Variants in HS6ST2 observed in about 807,000 individuals in gnomAD.
HS6ST2 encodes the protein heparan-sulfate 6-O-sulfotransferase 2.
In HS6ST2, 17 loss-of-function variants were observed where a neutral mutation model predicts 33.0. That is an observed-to-expected ratio of 0.52 (90% CI 0.35 to 0.77). The LOEUF (loss-of-function observed/expected upper bound fraction) is 0.77, where lower values mean the gene tolerates loss of function less well. Among genes scored for constraint, HS6ST2 ranks in the 30% least tolerant of loss-of-function variants. The pLI is 0.01. For missense variants in HS6ST2, 519 were observed against 551.7 expected, an observed-to-expected ratio of 0.94 and a Z score of 0.59; for synonymous variants, 248 against 237.1, an observed-to-expected ratio of 1.05 and a Z score of -0.42.
intron 2 of HS6ST2, among the ~76,000 whole-genome samples, chrX:132,901,866 G>A (rs2066428975): frequency 9.0e-6 from 1 of 111,232 alleles, no homozygotes; most frequent in African/African-American, 3.3e-5. Context: ...GAAAAGTCGG[G>A]GGAGGGAAGG....
chrX:132,953,944 T>C (rs951199165), intron 2 of HS6ST2, among the ~76,000 whole-genome samples: 1 of 112,104 alleles, frequency 8.9e-6, no homozygotes, highest in African/African-American at 3.2e-5. Flanking sequence ...CAAGGTGCAG[T>C]CAACAGAGCA....
chrX:132,740,167 T>C (rs1218350716), intron 2 of HS6ST2, among the ~76,000 whole-genome samples: 1 of 112,509 alleles, frequency 8.9e-6, no homozygotes, highest in Admixed American at 9.4e-5. Flanking sequence ...CCTGGGAATT[T>C]TGATTTTAAC....
intron 3 of HS6ST2, among the ~76,000 whole-genome samples, chrX:132,699,934 G>T (rs2064131016): frequency 8.9e-6 from 1 of 111,957 alleles, no homozygotes; most frequent in African/African-American, 3.2e-5. Context: ...AGCCTCATGT[G>T]GATTTATATG....
At chrX:132,681,066 G>T (rs918770516) in intron 3 of HS6ST2, among the ~76,000 whole-genome samples, 2 of 108,766 alleles carry the variant, frequency 1.8e-5, no homozygotes, top group African/African-American at 6.7e-5. Context: ...CTTTTTCCCT[G>T]GTGCACTTAT....
At chrX:132,642,856 G>A (rs972329740) in intron 4 of HS6ST2, among the ~76,000 whole-genome samples, 2 of 112,311 alleles carry the variant, frequency 1.8e-5, no homozygotes, top group Non-Finnish European at 3.8e-5. Flanking sequence ...TATAAGTTTC[G>A]TGCATCAGAG....
At chrX:132,661,188 A>G (rs1657453042) in intron 4 of HS6ST2, among the ~76,000 whole-genome samples, 2 of 111,233 alleles carry the variant, frequency 1.8e-5, no homozygotes, top group Admixed American at 1.9e-4. Flanking sequence ...ACTGTACTAA[A>G]GGCTTTAACC....
chrX:132,823,701 C>CAAAA, intron 2 of HS6ST2, among the ~76,000 whole-genome samples: 1 of 61,313 alleles, frequency 1.6e-5, no homozygotes, highest in Non-Finnish European at 3.1e-5. Flanking sequence ...ACTAAAAATA[C>CAAAA]AAAAAAAAAA....
chrX:132,645,112 T>C, intron 4 of HS6ST2, among the ~76,000 whole-genome samples: 1 of 111,947 alleles, frequency 8.9e-6, no homozygotes, highest in East Asian at 2.8e-4. Context: ...TCTCTGGGCT[T>C]AGTCTGTTCA....
chrX:132,819,184 G>C (rs2065426966), intron 2 of HS6ST2, among the ~76,000 whole-genome samples: 1 of 111,064 alleles, frequency 9.0e-6, no homozygotes, highest in African/African-American at 3.3e-5. Context: ...AGAGGATGTT[G>C]CAAAGCAGTG....
chrX:132,833,776 TA>T (rs1280224316), intron 2 of HS6ST2, among the ~76,000 whole-genome samples: 1 of 108,642 alleles, frequency 9.2e-6, no homozygotes, highest in Non-Finnish European at 1.9e-5. Flanking sequence ...TTTTTTTTTT[TA>T]AATTATTATA....
chrX:132,867,515 C>T (rs191693581), intron 2 of HS6ST2, among the ~76,000 whole-genome samples: 1 of 111,686 alleles, frequency 9.0e-6, no homozygotes, highest in African/African-American at 3.2e-5. Context: ...AGGGAGGATT[C>T]CCTCTTTTTC....
chrX:132,722,861 A>C (rs1273790561), intron 2 of HS6ST2, among the ~76,000 whole-genome samples: 3 of 97,913 alleles, frequency 3.1e-5, no homozygotes, highest in Non-Finnish European at 4.1e-5. Context: ...TATTAAAATA[A>C]AATTATGTTA....
intron 2 of HS6ST2, among the ~76,000 whole-genome samples, chrX:132,717,477 A>G (rs2064285967): frequency 8.9e-6 from 1 of 112,896 alleles, no homozygotes; most frequent in Non-Finnish European, 1.9e-5. Flanking sequence ...TAATACAACC[A>G]ACGGTTTTGA....
chrX:132,734,083 T>C (rs1486353797), intron 2 of HS6ST2, among the ~76,000 whole-genome samples: 1 of 100,450 alleles, frequency 1.0e-5, no homozygotes, highest in Non-Finnish European at 2.0e-5. Flanking sequence ...GAAAACTCCA[T>C]ACTAGATCAC....
intron 4 of HS6ST2, among the ~76,000 whole-genome samples, chrX:132,637,630 A>C (rs915678750): frequency 4.7e-4 from 47 of 100,884 alleles, no homozygotes; most frequent in African/African-American, 1.6e-3. Flanking sequence ...AGTTAAGGTC[A>C]TAGGAGTGAT....
intron 2 of HS6ST2, among the ~76,000 whole-genome samples, chrX:132,832,782 G>A (rs1466862823): frequency 1.8e-5 from 2 of 111,792 alleles, no homozygotes; most frequent in Non-Finnish European, 3.8e-5. Context: ...GTATGTATAA[G>A]ACTTGTTCTT....
At chrX:132,833,151 A>T (rs1395532899) in intron 2 of HS6ST2, among the ~76,000 whole-genome samples, 2 of 112,007 alleles carry the variant, frequency 1.8e-5, no homozygotes, top group Non-Finnish European at 3.8e-5. Context: ...AAATGATTAG[A>T]TAAGTTTATC....
chrX:132,956,084 C>G (rs2148508014), intron 2 of HS6ST2, among the ~76,000 whole-genome samples: 1 of 112,220 alleles, frequency 8.9e-6, no homozygotes, highest in South Asian at 3.8e-4. Flanking sequence ...GATAAGCAAG[C>G]CTGGGAACCA....
intron 2 of HS6ST2, among the ~76,000 whole-genome samples, chrX:132,898,444 C>T (rs906527736): frequency 1.9e-5 from 2 of 104,403 alleles, no homozygotes; most frequent in Non-Finnish European, 3.9e-5. Flanking sequence ...AGAGTTAGCC[C>T]TTGAATAGCC....
Sources: allele counts gnomAD v4.1 joint callset (sites outside exome capture counted in the v4.1 genomes callset), GRCh38; gene constraint gnomAD v4.1.1; transcripts MANE v1.5; gene names NCBI Gene and HGNC (gene_info 2026-07-23, HGNC 2026-07-21).